The following ARHGAP44 variants were observed in gnomAD, a reference collection of about 807,000 sequenced individuals.
ARHGAP44 encodes the protein rho GTPase-activating protein 44.
Under a neutral mutation model 106.8 loss-of-function variants are expected in ARHGAP44, and 43 were observed. The ratio of observed to expected loss-of-function variants is 0.40; its 90% CI spans 0.32 to 0.52. The LOEUF (loss-of-function observed/expected upper bound fraction) is 0.52, where lower values mean the gene tolerates loss of function less well. Ranked by LOEUF, ARHGAP44 falls within the 20% of genes least tolerant of loss-of-function variation. The pLI, the probability that ARHGAP44 is intolerant of heterozygous loss-of-function variation, is 0.48. For missense variants in ARHGAP44, 866 were observed against 1,050.5 expected, an observed-to-expected ratio of 0.82 and a Z score of 2.43; for synonymous variants, 439 against 410.3, an observed-to-expected ratio of 1.07 and a Z score of -0.85.
intron 5 of ARHGAP44, among the ~76,000 whole-genome samples, chr17:12,919,405 A>ATTT (rs2038010292): frequency 3.6e-5 from 1 of 27,782 alleles, no homozygotes. Context: ...TTTTTTTTTG[A>ATTT]GACGGAGTCT....
At chr17:12,989,971 A>G (rs956133292) in intron 20 of ARHGAP44, 61 bp from the exon 21 acceptor site, 1 of 1,582,682 alleles carries the variant, frequency 6.3e-7, no homozygotes, top group Non-Finnish European at 8.6e-7. Flanking sequence ...TTTGCCTACA[A>G]CTAGGTTCTC....
At chr17:12,857,414 G>A (rs8075830) in intron 1 of ARHGAP44, among the ~76,000 whole-genome samples, 81,264 of 152,012 alleles carry the variant, frequency 0.53, 24,425 homozygotes, top group Non-Finnish European at 0.65. Flanking sequence ...ATGGCAGAGG[G>A]TGTTACATGC....
chr17:12,973,718 G>A (rs948561379), intron 17 of ARHGAP44: 5 of 484,018 alleles, frequency 1.0e-5, no homozygotes, highest in African/African-American at 8.0e-5. Context: ...CCCCCAGTTA[G>A]GCCACACACC....
chr17:12,819,967 T>TA (rs2034717484), intron 1 of ARHGAP44, among the ~76,000 whole-genome samples: 1 of 152,144 alleles, frequency 6.6e-6, no homozygotes, highest in Non-Finnish European at 1.5e-5. Flanking sequence ...TGTGTCCTAT[T>TA]GAAGAAATCA....
chr17:12,884,817 A>G (rs1282589468), intron 1 of ARHGAP44, among the ~76,000 whole-genome samples: 1 of 152,172 alleles, frequency 6.6e-6, no homozygotes, highest in Non-Finnish European at 1.5e-5. Flanking sequence ...GGCTTTTTAC[A>G]CTGAGCGTAA....
intron 7 of ARHGAP44, among the ~76,000 whole-genome samples, chr17:12,938,580 A>AG (rs2038614989): frequency 8.3e-6 from 1 of 120,770 alleles, no homozygotes; most frequent in Admixed American, 8.5e-5. Context: ...TTAGCTATAT[A>AG]TTAAAAAAAA....
At chr17:12,824,886 T>G (rs1255725447) in intron 1 of ARHGAP44, among the ~76,000 whole-genome samples, 1 of 151,894 alleles carries the variant, frequency 6.6e-6, no homozygotes, top group African/African-American at 2.4e-5. Flanking sequence ...GAATTCTGAC[T>G]GAAGTATCAC....
intron 1 of ARHGAP44, among the ~76,000 whole-genome samples, chr17:12,811,144 CTACTAAAAA>C: frequency 6.6e-6 from 1 of 151,946 alleles, no homozygotes; most frequent in African/African-American, 2.4e-5. Flanking sequence ...AACCCCATCT[CTACTAAAAA>C]TACAAAAAAA....
rs914005357 is a variant in ARHGAP44, at chr17:12,949,366, C to T, written c.973+115C>T. ...AAGTCAGTGGCTGCCCAAAGCACTT[C>T]AGATGTGTCCACTCAGTGCCCAGTT... On this transcript the variant is annotated intron_variant, in intron 11 of 20. Transcript: ENST00000379672. The surrounding 1 kb of genome is among the most constrained non-coding windows in gnomAD (Gnocchi z 4.1). The T allele has an allele frequency of 6.2e-6, 7 of 1,137,076 alleles. No individual in the cohort carries two copies. Among genetic ancestry groups the T allele is most frequent in the Non-Finnish European group, 6.3e-6 (5 of 797,060 alleles). 70.4% of individuals were successfully genotyped at this position (1,137,076 alleles called of 1,614,324 possible). A position where few individuals can be genotyped will look rare whatever the true frequency, so the allele number is the denominator to read the frequency against.
Position 12,877,736 on chromosome 17 carries a change from C to T in ARHGAP44, c.54-17204C>T, listed in dbSNP as rs966653003. Among the ~76,000 whole-genome samples the T allele has an allele frequency of 4.0e-5, 6 of 150,052 alleles. 1 individual carries two copies. The highest frequency in any genetic ancestry group is 4.2e-4 in the South Asian group (2 of 4,768). On this transcript the variant is annotated intron_variant, in intron 1 of 20. Coordinates refer to ENST00000379672, the MANE Select transcript of ARHGAP44 (RefSeq NM_014859.6). ...CTGCACCCCAGCCTGGGTGACAGAG[C>T]GAGACTCCGTCTAAAAAAAAAAAAA...
intron 15 of ARHGAP44, 143 bp downstream of exon 15, chr17:12,956,889 G>A (rs1177879183): frequency 2.2e-5 from 13 of 597,204 alleles, no homozygotes; most frequent in Non-Finnish European, 3.2e-5. Flanking sequence ...ACACACACAC[G>A]CATGCAGACA....
In ARHGAP44 at chr17:12,815,225, G is replaced by C. The variant is rs183071454; in HGVS notation, c.53+25334G>C. On this transcript the variant is annotated intron_variant, in intron 1 of 20. Transcript: ENST00000379672. ...AAAATAGAAGAGGGAGGAGAAGCAG[G>C]GTTCCCCTAAAGGTTATCCTGTAGG... Among the ~76,000 whole-genome samples the C allele has an allele frequency of 4.0e-3, 612 of 152,208 alleles. 4 individuals are homozygous for C. Among genetic ancestry groups the C allele is most frequent in the Admixed American group, 8.2e-3 (125 of 15,294 alleles).
intron 6 of ARHGAP44, among the ~76,000 whole-genome samples, chr17:12,925,769 A>G (rs956353209): frequency 2.6e-5 from 4 of 152,186 alleles, no homozygotes; most frequent in African/African-American, 9.7e-5. Flanking sequence ...TCCTTGGACA[A>G]TGTCTAGTGT....
chr17:12,969,185 T>TG (rs1160687820), intron 16 of ARHGAP44, among the ~76,000 whole-genome samples: 1 of 152,174 alleles, frequency 6.6e-6, no homozygotes, highest in African/African-American at 2.4e-5. Context: ...ATGGGCCAGA[T>TG]GGGGTCTTCC....
At chr17:12,839,088 A>G (rs1216403616) in intron 1 of ARHGAP44, among the ~76,000 whole-genome samples, 2 of 152,106 alleles carry the variant, frequency 1.3e-5, no homozygotes, top group African/African-American at 4.8e-5. Context: ...TCCTCTGAGA[A>G]TTTTACTTAC....
intron 1 of ARHGAP44, among the ~76,000 whole-genome samples, chr17:12,886,970 TTTTTG>T (rs1413697756): frequency 0.094 from 13,087 of 139,378 alleles, 969 homozygotes; most frequent in East Asian, 0.33. Context: ...AAGAGTTTTT[TTTTTG>T]TTTTTTTTTT....
At chr17:12,845,185 T>A (rs889474185) in intron 1 of ARHGAP44, among the ~76,000 whole-genome samples, 7 of 150,518 alleles carry the variant, frequency 4.7e-5, no homozygotes, top group African/African-American at 1.7e-4. Context: ...TTTGTCACTT[T>A]ATGACATTCT....
Position 12,789,907 on chromosome 17 carries a change from G to C in ARHGAP44, c.53+16G>C. Reference sequence around the variant, plus strand: ...CGGTGGGCAGGTAGGTCACCCGCGGGCACCGCTGTCGGTGCGCGCCCGCGA... The same window carrying C: ...CGGTGGGCAGGTAGGTCACCCGCGGCCACCGCTGTCGGTGCGCGCCCGCGA... On this transcript the variant is annotated intron_variant, in intron 1 of 20. Transcript: ENST00000379672. 2 of 1,512,150 alleles carry C rather than the reference G, an allele frequency of 1.3e-6. No homozygotes were observed. The highest frequency in any genetic ancestry group is 2.5e-5 in the South Asian group (2 of 79,944). 93.7% of individuals were successfully genotyped at this position (1,512,150 alleles called of 1,614,324 possible).
chr17:12,828,191 T>C (rs1026110777), intron 1 of ARHGAP44, among the ~76,000 whole-genome samples: 1 of 152,148 alleles, frequency 6.6e-6, no homozygotes, highest in African/African-American at 2.4e-5. Flanking sequence ...TGTCTACAAA[T>C]AATGGTAGTT....
Sources: gnomAD v4.1 joint callset for allele counts (sites outside exome capture counted in the v4.1 genomes callset) on GRCh38, gnomAD v4.1.1 for gene constraint, Gnocchi (gnomAD v3.1) non-coding constraint, MANE v1.5 for transcripts, NCBI Gene and HGNC (gene_info 2026-07-23, HGNC 2026-07-21) for gene names.